Variants in PIAS1 observed in about 807,000 individuals in gnomAD.
The protein encoded by PIAS1 is E3 SUMO-protein ligase PIAS1.
In PIAS1, 6 loss-of-function variants were observed where a neutral mutation model predicts 71.3. The observed-to-expected ratio is 0.08, with a 90% CI of 0.05 to 0.17. The LOEUF (loss-of-function observed/expected upper bound fraction) is 0.17. PIAS1 is among the 10% of genes least tolerant of loss of function. PIAS1 has a pLI of 1.00. For synonymous variants in PIAS1, 303 were observed against 292.9 expected (o/e 1.03, Z -0.35); for missense variants, 555 against 793.6 (o/e 0.70, Z 3.61).
chr15:68,059,709 C>CAAAAAAA (rs770069635), intron 1 of PIAS1, among the ~76,000 whole-genome samples: 2 of 76,442 alleles, frequency 2.6e-5, no homozygotes, highest in Non-Finnish European at 5.2e-5. Context: ...CCGTCTCAAA[C>CAAAAAAA]AAAAAAAAAA....
rs71455574 is a variant in PIAS1, at chr15:68,088,176, GTATA to G, written c.469+1448_469+1451del. Among the ~76,000 whole-genome samples, 50 of 72,986 alleles carry G rather than the reference GTATA, an allele frequency of 6.9e-4. 2 individuals are homozygous for G. Among genetic ancestry groups the G allele is most frequent in the East Asian group, 5.1e-3 (7 of 1,370 alleles). The allele number at this position is 72,986 out of a possible 152,430, so 47.9% of individuals were successfully genotyped here. A position where few individuals can be genotyped will look rare whatever the true frequency, so the allele number is the denominator to read the frequency against. ...TTCTTGTCTGTCTGATTATGTGTGT[GTATA>G]TATATATATATATATATATATCCCA... On this transcript the variant is annotated intron_variant, in intron 2 of 13. Coordinates refer to ENST00000249636, the MANE Select transcript of PIAS1 (RefSeq NM_016166.3).
At chr15:68,184,260 T>C (rs1270682825) in intron 13 of PIAS1, 1 of 152,338 alleles carries the variant, frequency 6.6e-6, no homozygotes, top group Non-Finnish European at 1.5e-5. Flanking sequence ...CAGTGATAGT[T>C]ATTGCTCACC....
chr15:68,155,449 TAAAAAAAAAAAAA>T (rs71937461), intron 7 of PIAS1, among the ~76,000 whole-genome samples: 1 of 103,324 alleles, frequency 9.7e-6, no homozygotes, highest in African/African-American at 3.7e-5. Flanking sequence ...ATGCTGCCTG[TAAAAAAAAAAAAA>T]AAAAAAAAAA....
At position 68,160,922 on chromosome 15, in the gene PIAS1, G is replaced by A. The variant is rs185255854; in HGVS notation, c.935-3809G>A. ...CAAGGCAAGGATATCTGCCCCTAGC[G>A]TTGCCCTAGAGATCCTAGACAGCAC... On this transcript the variant is annotated intron_variant, in intron 7 of 13. Transcript: ENST00000249636. Among the ~76,000 whole-genome samples the A allele has an allele frequency of 1.8e-4, 28 of 152,204 alleles. No individual in the cohort carries two copies. The East Asian group carries it at 3.5e-3, about 19-fold the overall frequency.
chr15:68,135,201 C>T (rs2092719674), intron 2 of PIAS1, among the ~76,000 whole-genome samples: 1 of 47,042 alleles, frequency 2.1e-5, no homozygotes, highest in African/African-American at 4.6e-5. Flanking sequence ...GGCTGACCCC[C>T]CCACCTCCCT....
intron 12 of PIAS1, among the ~76,000 whole-genome samples, chr15:68,182,357 A>G (rs976968077): frequency 6.0e-5 from 9 of 150,442 alleles, no homozygotes; most frequent in African/African-American, 2.0e-4. Flanking sequence ...AGAAAATTCA[A>G]CACAGAAACA....
At chr15:68,139,014 T>C (rs1163871748) in intron 2 of PIAS1, among the ~76,000 whole-genome samples, 1 of 152,176 alleles carries the variant, frequency 6.6e-6, no homozygotes, top group Non-Finnish European at 1.5e-5. Flanking sequence ...TGACTCAGTA[T>C]AGTGGTAAGG....
intron 6 of PIAS1, among the ~76,000 whole-genome samples, chr15:68,150,138 C>A (rs571310398): frequency 6.6e-6 from 1 of 151,698 alleles, no homozygotes; most frequent in Admixed American, 6.6e-5. Context: ...TATTTTATTT[C>A]TAGTGTACCT....
chr15:68,112,126 C>T lies in PIAS1; in HGVS notation c.469+25376C>T, dbSNP rs117002660. Among the ~76,000 whole-genome samples, 932 of 152,146 alleles carry T rather than the reference C, an allele frequency of 6.1e-3. 4 individuals carry two copies. The highest frequency in any genetic ancestry group is 0.032 in the East Asian group (166 of 5,174). ...ATGCCCATGTGCCTACATCTCTGTC[C>T]GTTTACCGTATATGTTTTCTTCTGT... On this transcript the variant is annotated intron_variant, in intron 2 of 13. Coordinates refer to ENST00000249636, the MANE Select transcript of PIAS1 (RefSeq NM_016166.3).
chr15:68,114,508 G>T (rs1392630988), intron 2 of PIAS1, among the ~76,000 whole-genome samples: 1 of 151,912 alleles, frequency 6.6e-6, no homozygotes, highest in Non-Finnish European at 1.5e-5. Context: ...TAAGTCAGAG[G>T]GTTCATTAAA....
chr15:68,142,908 T>G (rs1302612439), intron 4 of PIAS1, among the ~76,000 whole-genome samples: 1 of 152,076 alleles, frequency 6.6e-6, no homozygotes, highest in African/African-American at 2.4e-5. Flanking sequence ...TAATTTAGGA[T>G]CCATTTGAGA....
chr15:68,187,410 G>A lies in PIAS1; in HGVS notation c.1663-132G>A, dbSNP rs2093094911. ...ATAAGGCCATTTGATTTTGCAAAATGTCTTAGTAAATATTTCAGAAACCCT... is the reference window on the plus strand; with the variant it reads ...ATAAGGCCATTTGATTTTGCAAAATATCTTAGTAAATATTTCAGAAACCCT... On this transcript the variant is annotated intron_variant, in intron 13 of 13. Transcript: ENST00000249636. The surrounding 1 kb of genome is among the most constrained non-coding windows in gnomAD (Gnocchi z 5.3). 1 of 786,356 alleles carries A rather than the reference G, an allele frequency of 1.3e-6. No individual in the cohort carries two copies. Among genetic ancestry groups the A allele is most frequent in the Non-Finnish European group, 2.0e-6 (1 of 498,026 alleles). The allele number at this position is 786,356 out of a possible 1,614,324, so 48.7% of individuals were successfully genotyped here.
At chr15:68,140,813 C>T (rs182243057) in intron 2 of PIAS1, among the ~76,000 whole-genome samples, 1 of 152,180 alleles carries the variant, frequency 6.6e-6, no homozygotes, top group Admixed American at 6.5e-5. Flanking sequence ...CCTTAAGTGC[C>T]CCAGAAGCCG....
chr15:68,100,083 C>T (rs1369336238), intron 2 of PIAS1, among the ~76,000 whole-genome samples: 2 of 136,796 alleles, frequency 1.5e-5, no homozygotes, highest in African/African-American at 5.5e-5. Flanking sequence ...CAGTCTGTAG[C>T]TTGTATTTCT....
Position 68,102,880 on chromosome 15 carries a change from A to G in PIAS1, c.469+16130A>G, listed in dbSNP as rs1332213221. Among the ~76,000 whole-genome samples, 8 of 152,080 alleles carry G rather than the reference A, an allele frequency of 5.3e-5. No homozygotes were observed. In the East Asian group the frequency reaches 1.2e-3, roughly 22 times the overall value. On this transcript the variant is annotated intron_variant, in intron 2 of 13. Coordinates refer to ENST00000249636, the MANE Select transcript of PIAS1 (RefSeq NM_016166.3). ...CTTTGCCTTATTGCTTTATGGCTCT[A>G]ATAGAGTGTTGAATAATAGTGGTGA... is the stretch of plus-strand genomic sequence containing the variant.
At chr15:68,182,153 T>C (rs2093057106) in intron 12 of PIAS1, among the ~76,000 whole-genome samples, 1 of 152,190 alleles carries the variant, frequency 6.6e-6, no homozygotes, top group African/African-American at 2.4e-5. Context: ...ATACTAGGTG[T>C]ATACATTTAT....
intron 1 of PIAS1, among the ~76,000 whole-genome samples, chr15:68,065,083 C>T: frequency 6.6e-6 from 1 of 151,912 alleles, no homozygotes; most frequent in Admixed American, 6.6e-5. Context: ...AAGTTTTCTG[C>T]TTTAACTGCA....
intron 2 of PIAS1, among the ~76,000 whole-genome samples, chr15:68,102,054 C>T (rs1373504883): frequency 1.3e-5 from 2 of 152,206 alleles, no homozygotes; most frequent in East Asian, 3.9e-4. Flanking sequence ...AACCTCTCTG[C>T]CTGACTTTAG....
chr15:68,148,167 C>A (rs1051647913), intron 6 of PIAS1, among the ~76,000 whole-genome samples: 4 of 152,126 alleles, frequency 2.6e-5, no homozygotes, highest in African/African-American at 9.7e-5. Flanking sequence ...CGAGAGAGAG[C>A]AGTCAGGGAG....
Sources: allele counts gnomAD v4.1 joint callset (sites outside exome capture counted in the v4.1 genomes callset), GRCh38; gene constraint gnomAD v4.1.1; non-coding constraint Gnocchi (gnomAD v3.1); transcripts MANE v1.5; gene names NCBI Gene and HGNC (gene_info 2026-07-23, HGNC 2026-07-21).